The following KCNK6 variants were observed in gnomAD, a reference collection of about 807,000 sequenced individuals.
KCNK6 encodes potassium two pore domain channel subfamily K member 6, also known as potassium channel subfamily K member 6.
In KCNK6, 20 loss-of-function variants were observed where a neutral mutation model predicts 21.9. The ratio of observed to expected loss-of-function variants is 0.91; its 90% confidence interval spans 0.64 to 1.32. The LOEUF (loss-of-function observed/expected upper bound fraction) is 1.32, where lower values mean the gene tolerates loss of function less well. KCNK6 is among the 40% of genes most tolerant of loss of function. KCNK6 has a pLI of 0.00. For synonymous variants in KCNK6, 210 were observed against 218.0 expected (o/e 0.96, Z 0.32); for missense variants, 415 against 433.1 (o/e 0.96, Z 0.37).
At chr19:38,323,038 G>A (rs1969669354) in intron 1 of KCNK6, among the ~76,000 whole-genome samples, 4 of 152,164 alleles carry the variant, frequency 2.6e-5, no homozygotes, top group Admixed American at 2.6e-4. Context: ...ACTTGAACCT[G>A]GGAGGCGGAG....
chr19:38,325,610 T>G (rs1969699449), intron 1 of KCNK6: 1 of 907,094 alleles, frequency 1.1e-6, no homozygotes, highest in African/African-American at 1.8e-5. Flanking sequence ...AGGTGTTAAG[T>G]GCTATGGGAA....
chr19:38,323,888 C>T (rs1969679634), intron 1 of KCNK6, among the ~76,000 whole-genome samples: 1 of 152,028 alleles, frequency 6.6e-6, no homozygotes, highest in African/African-American at 2.4e-5. Flanking sequence ...GCCACCTTGC[C>T]TGGCCAGGAA....
chr19:38,321,230 G>A (rs1366665247), intron 1 of KCNK6, among the ~76,000 whole-genome samples: 4 of 152,090 alleles, frequency 2.6e-5, no homozygotes, highest in Non-Finnish European at 4.4e-5. Context: ...ACCTGGCACC[G>A]CCATCTGGGA....
chr19:38,326,239 G>T (rs1969705312), intron 1 of KCNK6, among the ~76,000 whole-genome samples: 2 of 152,138 alleles, frequency 1.3e-5, no homozygotes, highest in Admixed American at 1.3e-4. Flanking sequence ...CTCGCTGCAG[G>T]TGTTGAGTGG....
rs1323707680 is a variant in KCNK6, at chr19:38,331,977, T to C, written c.*4574T>C. 1 of 152,212 alleles carries C rather than the reference T, an allele frequency of 6.6e-6. No homozygotes were observed. The highest frequency in any genetic ancestry group is 1.5e-5 in the Non-Finnish European group (1 of 68,050). The allele number at this position is 152,212 out of a possible 1,614,324, so 9.4% of individuals were successfully genotyped here. A position where few individuals can be genotyped will look rare whatever the true frequency, so the allele number is the denominator to read the frequency against. ...TGTACAATGGGATGGTAATAGCACC[T>C]ACCTCATGGACTTGAGAAGTCAGCA... On this transcript the variant is annotated 3_prime_UTR_variant, in exon 3 of 3. Coordinates refer to ENST00000263372, the MANE Select transcript of KCNK6 (RefSeq NM_004823.3).
In KCNK6 at chr19:38,319,848, G is replaced by T. The variant is rs1290465253; in HGVS notation, c.-103G>T. On this transcript the variant is annotated 5_prime_UTR_variant, in exon 1 of 3. Coordinates refer to ENST00000263372, the MANE Select transcript of KCNK6 (RefSeq NM_004823.3). ...TCTTCCTCTTGGGGCATCTGCTGCC[G>T]CGCCTGTAGCACTCCCGGAACTGGA... 4 of 1,154,310 alleles carry T rather than the reference G, an allele frequency of 3.5e-6. No homozygotes were observed. The African/African-American group carries it at 6.5e-5, about 19-fold the overall frequency. 71.5% of individuals were successfully genotyped at this position (1,154,310 alleles called of 1,614,324 possible).
chr19:38,327,490 C>A lies in KCNK6; in HGVS notation c.*87C>A. 8.2e-7 allele frequency: 1 copy of A among 1,223,880 alleles called. No individual in the cohort carries two copies. The allele number at this position is 1,223,880 out of a possible 1,614,324, so 75.8% of individuals were successfully genotyped here. A position where few individuals can be genotyped will look rare whatever the true frequency, so the allele number is the denominator to read the frequency against. On this transcript the variant is annotated 3_prime_UTR_variant, in exon 3 of 3. Transcript: ENST00000263372. ...AGAGCTGGCTGTACAGGAATGTCCACGAGCACAGCAGGTGATCTTGAGGCC... is the reference window on the plus strand; with the variant it reads ...AGAGCTGGCTGTACAGGAATGTCCAAGAGCACAGCAGGTGATCTTGAGGCC...
chr19:38,325,360 C>T (rs534939723), intron 1 of KCNK6: 2 of 974,136 alleles, frequency 2.1e-6, no homozygotes, highest in Non-Finnish European at 1.2e-6. Flanking sequence ...CATAATCTGC[C>T]CGCCTAGGCC....
intron 1 of KCNK6, among the ~76,000 whole-genome samples, chr19:38,324,584 G>A (rs115926730): frequency 0.01 from 1,538 of 152,152 alleles, 24 homozygotes; most frequent in African/African-American, 0.035. Context: ...GGCATCCCTC[G>A]CTCCTTAAGG....
chr19:38,319,920 A>T lies in KCNK6; in HGVS notation c.-31A>T. On this transcript the variant is annotated 5_prime_UTR_variant, in exon 1 of 3. Coordinates refer to ENST00000263372, the MANE Select transcript of KCNK6 (RefSeq NM_004823.3). The stretch of plus-strand genomic sequence containing the variant: ...AGGCGGGGGCCACGTCAGCGGGGCC[A>T]CCCAGGGCTCGCGGGGTCCCGGTGG... The T allele has an allele frequency of 7.2e-7, 1 of 1,388,188 alleles. No homozygotes were observed. Among genetic ancestry groups the T allele is most frequent in the East Asian group, 3.0e-5 (1 of 33,148 alleles). 86.0% of individuals were successfully genotyped at this position (1,388,188 alleles called of 1,614,324 possible).
Position 38,327,768 on chromosome 19 carries a change from T to A in KCNK6, c.*365T>A, listed in dbSNP as rs1448713813. On this transcript the variant is annotated 3_prime_UTR_variant, in exon 3 of 3. Coordinates refer to ENST00000263372, the MANE Select transcript of KCNK6 (RefSeq NM_004823.3). Reference sequence around the variant, plus strand: ...GTCTCTCAATTAACCACTCGTCAACTGCTGATTCTACTGGGCTGTGGGCTC... The same window carrying A: ...GTCTCTCAATTAACCACTCGTCAACAGCTGATTCTACTGGGCTGTGGGCTC... 3 of 278,102 alleles carry A rather than the reference T, an allele frequency of 1.1e-5. No individual in the cohort carries two copies. In the East Asian group the frequency reaches 2.8e-4, roughly 26 times the overall value. 17.2% of individuals were successfully genotyped at this position (278,102 alleles called of 1,614,324 possible). A position where few individuals can be genotyped will look rare whatever the true frequency, so the allele number is the denominator to read the frequency against.
At chr19:38,325,482 A>G in intron 1 of KCNK6, 2 of 985,418 alleles carry the variant, frequency 2.0e-6, no homozygotes, top group South Asian at 4.7e-5. Flanking sequence ...TGCACCCTTC[A>G]TTCTTTGTTT....
In KCNK6 at chr19:38,321,048, C is replaced by A. The variant is rs78553117; in HGVS notation, c.322+776C>A. On this transcript the variant is annotated intron_variant, in intron 1 of 2. Transcript: ENST00000263372. ...CTTTATCTCTAGTCTGGGCCTGCCA[C>A]CCTTGCCATGTCTCCTGACCCTCCA... is the stretch of plus-strand genomic sequence containing the variant. Among the ~76,000 whole-genome samples, 389 of 152,276 alleles carry A rather than the reference C, an allele frequency of 2.6e-3. 10 individuals carry two copies. In the East Asian group the frequency reaches 0.049, roughly 19 times the overall value.
chr19:38,329,804 G>A lies in KCNK6; in HGVS notation c.*2401G>A, dbSNP rs981928799. On this transcript the variant is annotated 3_prime_UTR_variant, in exon 3 of 3. Transcript: ENST00000263372. ...TGGGAGGCTGAGGCAGGAATGAAGA[G>A]GGAGACGATGGGCCTGGGCTGAGCC... 2 of 153,282 alleles carry A rather than the reference G, an allele frequency of 1.3e-5. No individual in the cohort carries two copies. Among genetic ancestry groups the A allele is most frequent in the Non-Finnish European group, 2.9e-5 (2 of 69,120 alleles). 9.5% of individuals were successfully genotyped at this position (153,282 alleles called of 1,614,324 possible).
rs148799821 is a variant in KCNK6, at chr19:38,326,652, C to G, written c.382C>G (p.Leu128Val). 3.0e-5 allele frequency: 49 copies of G among 1,609,874 alleles called. No individual in the cohort carries two copies. Among genetic ancestry groups the G allele is most frequent in the Non-Finnish European group, 4.2e-5 (49 of 1,179,976 alleles). ...CAAGGCCTTCTCCATCGCCTTTGCG[C>G]TCCTGGGCGTGCCGACCACCATGCT... Reference protein sequence around the residue: ...AGKAFSIAFALLGVPTTMLLL... With the variant: ...AGKAFSIAFAVLGVPTTMLLL... The change falls in exon 2 of 3, where the codon CTC becomes GTC. Residue 128 changes from leucine (L) to valine (V), a missense_variant. By Grantham distance (32) the Leu-to-Val change is conservative (BLOSUM62 1). Transcript: ENST00000263372.
Position 38,330,895 on chromosome 19 carries a change from G to C in KCNK6, c.*3492G>C, listed in dbSNP as rs1409492600. 6.6e-6 allele frequency: 1 copy of C among 152,172 alleles called. No homozygotes were observed. The highest frequency in any genetic ancestry group is 1.5e-5 in the Non-Finnish European group (1 of 68,044). 9.4% of individuals were successfully genotyped at this position (152,172 alleles called of 1,614,324 possible). ...CTTTCTCAGCCTCCCAACCTTCTCG[G>C]TTCCTTACCTATGTCACAGCTGACT... is the stretch of plus-strand genomic sequence containing the variant. On this transcript the variant is annotated 3_prime_UTR_variant, in exon 3 of 3. Transcript: ENST00000263372.
Position 38,331,334 on chromosome 19 carries a change from G to GA in KCNK6, c.*3939dup, listed in dbSNP as rs536898027. On this transcript the variant is annotated 3_prime_UTR_variant, in exon 3 of 3. Coordinates refer to ENST00000263372, the MANE Select transcript of KCNK6 (RefSeq NM_004823.3). The stretch of plus-strand genomic sequence containing the variant: ...CATAGAGCAAGACCCTGTCCTAGGA[G>GA]AAAAAAAAGGGCCAGGCACAGTGGC... 8 of 149,602 alleles carry GA rather than the reference G, an allele frequency of 5.3e-5. No individual in the cohort carries two copies. In the South Asian group the frequency reaches 1.3e-3, roughly 24 times the overall value. The allele number at this position is 149,602 out of a possible 1,614,324, so 9.3% of individuals were successfully genotyped here. A position where few individuals can be genotyped will look rare whatever the true frequency, so the allele number is the denominator to read the frequency against.
chr19:38,324,404 T>C (rs1969685165), intron 1 of KCNK6, among the ~76,000 whole-genome samples: 1 of 152,230 alleles, frequency 6.6e-6, no homozygotes, highest in South Asian at 2.1e-4. Context: ...CAAGTCGTAC[T>C]GCATGGTCAG....
Position 38,331,003 on chromosome 19 carries a change from C to T in KCNK6, c.*3600C>T, listed in dbSNP as rs1327408644. 6.6e-6 allele frequency: 1 copy of T among 152,196 alleles called. No individual in the cohort carries two copies. The highest frequency in any genetic ancestry group is 1.5e-5 in the Non-Finnish European group (1 of 68,050). 9.4% of individuals were successfully genotyped at this position (152,196 alleles called of 1,614,324 possible). A position where few individuals can be genotyped will look rare whatever the true frequency, so the allele number is the denominator to read the frequency against. ...CACTGTTTCTCCTTCCAAATACCTC[C>T]AGGAAGAAAAGCAAGTCCTTTTTGG... is the stretch of plus-strand genomic sequence containing the variant. On this transcript the variant is annotated 3_prime_UTR_variant, in exon 3 of 3. Coordinates refer to ENST00000263372, the MANE Select transcript of KCNK6 (RefSeq NM_004823.3).
Sources: gnomAD v4.1 joint callset for allele counts (sites outside exome capture counted in the v4.1 genomes callset) on GRCh38, gnomAD v4.1.1 for gene constraint, MANE v1.5 for transcripts, NCBI Gene and HGNC (gene_info 2026-07-23, HGNC 2026-07-21) for gene names.